LEF1: variants seen among roughly 807,000 people sequenced by gnomAD.
LEF1 encodes the protein lymphoid enhancer-binding factor 1.
Under a neutral mutation model 51.2 loss-of-function variants are expected in LEF1, and 14 were observed. The observed-to-expected ratio is 0.27, with a 90% CI of 0.18 to 0.43. LEF1 has a LOEUF of 0.43. Among genes scored for constraint, LEF1 ranks in the 20% least tolerant of loss-of-function variants. The pLI, the probability that LEF1 is intolerant of heterozygous loss-of-function variation, is 1.00. For synonymous variants in LEF1, 185 were observed against 183.2 expected, an observed-to-expected ratio of 1.01 and a Z score of -0.08; for missense variants, 386 against 512.0, an observed-to-expected ratio of 0.75 and a Z score of 2.37.
chr4:108,079,652 G>C, intron 6 of LEF1, 38 bp from the exon 7 acceptor site: 2 of 1,612,024 alleles, frequency 1.2e-6, no homozygotes, highest in East Asian at 2.2e-5. Flanking sequence ...TGTACTACTG[G>C]CTGTTGCAGC....
chr4:108,160,972 T>C (rs1470221127), intron 3 of LEF1, among the ~76,000 whole-genome samples: 2 of 152,054 alleles, frequency 1.3e-5, no homozygotes, highest in Admixed American at 1.3e-4. Flanking sequence ...TTGTTTGTAA[T>C]GGAAATTCAA....
At chr4:108,156,239 G>A (rs1744689927) in intron 3 of LEF1, among the ~76,000 whole-genome samples, 1 of 152,090 alleles carries the variant, frequency 6.6e-6, no homozygotes, top group South Asian at 2.1e-4. Flanking sequence ...TCATATGAGG[G>A]TCTAGTCCAT....
At chr4:108,153,770 A>G (rs1744508759) in intron 3 of LEF1, among the ~76,000 whole-genome samples, 1 of 152,204 alleles carries the variant, frequency 6.6e-6, no homozygotes, top group South Asian at 2.1e-4. Context: ...TACAATCTAA[A>G]TGTCTACCAA....
chr4:108,118,881 C>T (rs1465518787), intron 3 of LEF1, among the ~76,000 whole-genome samples: 1 of 151,776 alleles, frequency 6.6e-6, no homozygotes, highest in Non-Finnish European at 1.5e-5. Flanking sequence ...TTTGTTGTTA[C>T]GGTCTAATCT....
chr4:108,097,702 T>C (rs1190958324), intron 3 of LEF1, among the ~76,000 whole-genome samples: 1 of 151,746 alleles, frequency 6.6e-6, no homozygotes, highest in Admixed American at 6.6e-5. Context: ...CCCATAAATA[T>C]ACATACCTAT....
chr4:108,074,473 T>C (rs1413026747), intron 8 of LEF1, among the ~76,000 whole-genome samples: 2 of 152,150 alleles, frequency 1.3e-5, no homozygotes, highest in East Asian at 3.8e-4. Context: ...GGATTAAAAA[T>C]AAAACTTTGA....
At chr4:108,100,061 A>G (rs1740710091) in intron 3 of LEF1, among the ~76,000 whole-genome samples, 1 of 152,208 alleles carries the variant, frequency 6.6e-6, no homozygotes, top group African/African-American at 2.4e-5. Context: ...TCTTGAGTGA[A>G]AAATGATGCT....
At chr4:108,088,680 G>A (rs1399146207) in intron 4 of LEF1, among the ~76,000 whole-genome samples, 1 of 151,960 alleles carries the variant, frequency 6.6e-6, no homozygotes, top group Non-Finnish European at 1.5e-5. Context: ...ACCTAGTGCT[G>A]GTAAATAACA....
intron 11 of LEF1, among the ~76,000 whole-genome samples, chr4:108,062,486 G>T (rs762011959): frequency 6.6e-6 from 1 of 152,116 alleles, no homozygotes. Flanking sequence ...GTGAGGGGAG[G>T]CAGAGAGCAA....
intron 3 of LEF1, among the ~76,000 whole-genome samples, chr4:108,132,881 G>A (rs1023924624): frequency 2.0e-5 from 3 of 151,634 alleles, no homozygotes; most frequent in African/African-American, 7.3e-5. Flanking sequence ...ATGTTGCCCA[G>A]GCTTGTCTCC....
At chr4:108,165,205 C>G in intron 1 of LEF1, 42 bp from the exon 2 acceptor site, 1 of 1,581,670 alleles carries the variant, frequency 6.3e-7, no homozygotes, top group South Asian at 1.1e-5. Context: ...AGAAAATCAC[C>G]TTAGAGTTTG....
rs1211981646 is a variant in LEF1 at position 108,099,582 on chromosome 4, A to ATG, written c.415-10326_415-10325insCA. 3.7e-3 allele frequency among the ~76,000 whole-genome samples: 167 copies of ATG among 45,656 alleles called. 11 individuals are homozygous for ATG. The highest frequency in any genetic ancestry group is 0.01 in the South Asian group (14 of 1,370). 30.0% of individuals were successfully genotyped at this position (45,656 alleles called of 152,430 possible). A position where few individuals can be genotyped will look rare whatever the true frequency, so the allele number is the denominator to read the frequency against. On this transcript the variant is annotated intron_variant, in intron 3 of 11. Coordinates refer to ENST00000265165, the MANE Select transcript of LEF1 (RefSeq NM_016269.5). ...TGTGTGTGTGTGTGTATATATATATATATATATATATATATATATATATAT... is the reference window on the plus strand; with the variant it reads ...TGTGTGTGTGTGTGTATATATATATATGTATATATATATATATATATATATAT...
chr4:108,166,411 C>T (rs1745398876), intron 1 of LEF1: 2 of 1,421,204 alleles, frequency 1.4e-6, no homozygotes, highest in Non-Finnish European at 1.8e-6. Context: ...AAGGTATATC[C>T]TCCAAGTTTC....
In LEF1 at chr4:108,163,447, G is replaced by C; in HGVS notation, c.414+121C>G. The C allele has an allele frequency of 2.9e-6, 3 of 1,046,410 alleles. No homozygotes were observed. In the East Asian group the frequency reaches 7.3e-5, roughly 26 times the overall value. The allele number at this position is 1,046,410 out of a possible 1,614,324, so 64.8% of individuals were successfully genotyped here. A position where few individuals can be genotyped will look rare whatever the true frequency, so the allele number is the denominator to read the frequency against. On this transcript the variant is annotated intron_variant, in intron 3 of 11. Coordinates refer to ENST00000265165, the MANE Select transcript of LEF1 (RefSeq NM_016269.5). ...CATTCCTCATAACAGCTCTTATTTA[G>C]CAACGACTAGTTATATATAATGAAA...
chr4:108,053,666 C>T (rs1737147413), intron 11 of LEF1, among the ~76,000 whole-genome samples: 1 of 152,234 alleles, frequency 6.6e-6, no homozygotes, highest in African/African-American at 2.4e-5. Flanking sequence ...CCTGATCAGC[C>T]TAGCCCTCTG....
intron 3 of LEF1, among the ~76,000 whole-genome samples, chr4:108,120,011 G>A (rs1449824027): frequency 4.0e-5 from 6 of 151,520 alleles, no homozygotes; most frequent in South Asian, 2.1e-4. Flanking sequence ...GTGTGTGTGT[G>A]TGTGTGTGTG....
At chr4:108,163,546 G>A (rs770013046) in intron 3 of LEF1, 22 bp downstream of exon 3, 2 of 1,603,842 alleles carry the variant, frequency 1.2e-6, no homozygotes, top group Non-Finnish European at 1.7e-6. Flanking sequence ...AACATAATTT[G>A]CAACATCAGC....
At chr4:108,162,656 G>A (rs760567506) in intron 3 of LEF1, among the ~76,000 whole-genome samples, 12 of 152,028 alleles carry the variant, frequency 7.9e-5, no homozygotes, top group Non-Finnish European at 1.5e-4. Context: ...CCTAATCCCC[G>A]AGACCCATAG....
intron 3 of LEF1, among the ~76,000 whole-genome samples, chr4:108,153,656 A>G (rs1744503939): frequency 6.6e-6 from 1 of 152,202 alleles, no homozygotes; most frequent in Non-Finnish European, 1.5e-5. Context: ...TTTGACTGCA[A>G]TTCTGGCAAT....
Sources: allele counts gnomAD v4.1 joint callset (sites outside exome capture counted in the v4.1 genomes callset), GRCh38; gene constraint gnomAD v4.1.1; transcripts MANE v1.5; gene names NCBI Gene and HGNC (gene_info 2026-07-23, HGNC 2026-07-21).